DLG2: variants seen among roughly 807,000 people sequenced by gnomAD.
The protein encoded by DLG2 is disks large homolog 2.
DLG2 carries 45 observed loss-of-function variants against 132.5 expected under a neutral mutation model. The observed-to-expected ratio is 0.34, with a 90% CI of 0.27 to 0.44. The LOEUF (loss-of-function observed/expected upper bound fraction) is 0.44. Among genes scored for constraint, DLG2 ranks in the 20% least tolerant of loss-of-function variants. The pLI is 1.00. For missense variants in DLG2, 1,045 were observed against 1,196.9 expected, an observed-to-expected ratio of 0.87 and a Z score of 1.87; for synonymous variants, 424 against 419.6, an observed-to-expected ratio of 1.01 and a Z score of -0.13.
Position 83,874,470 on chromosome 11 carries a change from G to A in DLG2, c.1515C>T (p.Thr505=), listed in dbSNP as rs774629118. The change falls in exon 16 of 28, where the codon ACC becomes ACT. Residue 505 remains threonine, a synonymous_variant. Transcript: ENST00000376104. Reference sequence around the variant, plus strand: ...GAGTCATTGAAGGCTGACGAGTTGCGGTGCTATGTTGGGAATGACTGCAAG... The same window carrying A: ...GAGTCATTGAAGGCTGACGAGTTGCAGTGCTATGTTGGGAATGACTGCAAG... The part of the protein sequence containing the change: ...SEMTSHSQHS[T]ATRQPSMTLQ... 2.4e-5 allele frequency: 39 copies of A among 1,599,914 alleles called. No individual in the cohort carries two copies. The highest frequency in any genetic ancestry group is 4.5e-5 in the East Asian group (2 of 44,308).
chr11:85,118,466 G>C (rs1449533968), intron 5 of DLG2, among the ~76,000 whole-genome samples: 1 of 152,068 alleles, frequency 6.6e-6, no homozygotes, highest in Non-Finnish European at 1.5e-5. Context: ...TAGCTACCCA[G>C]ATTAACAGTA....
chr11:83,965,023 T>C (rs2089871845), intron 13 of DLG2, among the ~76,000 whole-genome samples: 1 of 152,006 alleles, frequency 6.6e-6, no homozygotes, highest in African/African-American at 2.4e-5. Flanking sequence ...GTGATCATGC[T>C]TTAGGAGCTT....
chr11:85,278,654 T>C (rs2078044325), intron 4 of DLG2, among the ~76,000 whole-genome samples: 1 of 152,142 alleles, frequency 6.6e-6, no homozygotes, highest in Non-Finnish European at 1.5e-5. Flanking sequence ...TCAGGTTTTA[T>C]TACTCTTCTA....
intron 7 of DLG2, among the ~76,000 whole-genome samples, chr11:84,308,132 G>T (rs2098246917): frequency 2.0e-5 from 3 of 152,194 alleles, no homozygotes; most frequent in Admixed American, 2.0e-4. Context: ...CTCTTATCTG[G>T]CCCCACCCAC....
chr11:85,466,554 T>C (rs1451810652), intron 3 of DLG2, among the ~76,000 whole-genome samples: 1 of 152,210 alleles, frequency 6.6e-6, no homozygotes, highest in Non-Finnish European at 1.5e-5. Flanking sequence ...CAGCACCATT[T>C]ATTAAATAAG....
chr11:85,069,345 T>C (rs1450374177), intron 6 of DLG2, among the ~76,000 whole-genome samples: 3 of 152,026 alleles, frequency 2.0e-5, no homozygotes, highest in Non-Finnish European at 4.4e-5. Flanking sequence ...CAAAAGAAAC[T>C]ACCATCAGAG....
chr11:85,302,528 G>A (rs1481827621), intron 3 of DLG2, among the ~76,000 whole-genome samples: 1 of 151,738 alleles, frequency 6.6e-6, no homozygotes, highest in Non-Finnish European at 1.5e-5. Context: ...CTGAGCACCT[G>A]ACCTGAGACT....
intron 3 of DLG2, among the ~76,000 whole-genome samples, chr11:85,554,944 T>A (rs986958870): frequency 6.6e-6 from 1 of 151,414 alleles, no homozygotes; most frequent in Non-Finnish European, 1.5e-5. Context: ...TCCACACACA[T>A]ATGATTTAAC....
chr11:85,034,327 C>T (rs1220962476), intron 6 of DLG2, among the ~76,000 whole-genome samples: 4 of 152,094 alleles, frequency 2.6e-5, no homozygotes, highest in East Asian at 1.9e-4. Flanking sequence ...CCGCCTGCCT[C>T]GGCCTCCAAA....
At chr11:85,429,936 T>G (rs1433850536) in intron 3 of DLG2, among the ~76,000 whole-genome samples, 1 of 152,138 alleles carries the variant, frequency 6.6e-6, no homozygotes, top group Admixed American at 6.6e-5. Context: ...CTATTCACAA[T>G]AGCAAAGACT....
chr11:84,313,736 A>G (rs936027902), intron 7 of DLG2, among the ~76,000 whole-genome samples: 1 of 151,846 alleles, frequency 6.6e-6, no homozygotes, highest in Non-Finnish European at 1.5e-5. Context: ...CAAATGCACA[A>G]AACTCTGGTC....
intron 6 of DLG2, among the ~76,000 whole-genome samples, chr11:85,057,735 A>C (rs2063608345): frequency 6.6e-6 from 1 of 151,568 alleles, no homozygotes; most frequent in Admixed American, 6.6e-5. Context: ...TCTCATTAGC[A>C]TGAAAGCAAA....
At chr11:83,631,221 CA>C (rs1194249782) in intron 19 of DLG2, 4 of 138,370 alleles carry the variant, frequency 2.9e-5, no homozygotes, top group Non-Finnish European at 4.6e-5. Context: ...AGAATAAGGC[CA>C]GGGGGCTCTT....
At chr11:83,749,237 T>C (rs2093142367) in intron 18 of DLG2, among the ~76,000 whole-genome samples, 1 of 152,202 alleles carries the variant, frequency 6.6e-6, no homozygotes, top group South Asian at 2.1e-4. Context: ...GGCAACCTTT[T>C]TGCCTTTCTT....
chr11:83,848,056 C>T (rs924666666), intron 16 of DLG2, among the ~76,000 whole-genome samples: 3 of 150,790 alleles, frequency 2.0e-5, no homozygotes, highest in Non-Finnish European at 4.4e-5. Flanking sequence ...TGGAGGGGTC[C>T]TTTGTCTCTC....
rs976812544 is a variant in DLG2 at position 83,758,206 on chromosome 11, C to T, written c.1825+28484G>A. On this transcript the variant is annotated intron_variant, in intron 18 of 27. Transcript: ENST00000376104. ...GCCTCTGCTAGACTAATCTTCCAAA[C>T]CTGCCACTTCTATTGGTTAGTCTCC... is the stretch of plus-strand genomic sequence containing the variant. Among the ~76,000 whole-genome samples, 7 of 152,286 alleles carry T rather than the reference C, an allele frequency of 4.6e-5. No homozygotes were observed. The South Asian group carries it at 1.5e-3, about 32-fold the overall frequency.
At chr11:83,866,585 T>C (rs1181639255) in intron 16 of DLG2, among the ~76,000 whole-genome samples, 3 of 152,152 alleles carry the variant, frequency 2.0e-5, no homozygotes, top group Non-Finnish European at 2.9e-5. Flanking sequence ...CACGCTGTTT[T>C]GGATATATTT....
At chr11:83,803,984 CT>C (rs1323736058) in intron 17 of DLG2, among the ~76,000 whole-genome samples, 36 of 152,070 alleles carry the variant, frequency 2.4e-4, no homozygotes, top group Admixed American at 1.9e-3. Flanking sequence ...TGTGTTTGGG[CT>C]TATGTGTATC....
intron 7 of DLG2, among the ~76,000 whole-genome samples, chr11:84,429,547 T>C (rs1296669402): frequency 6.6e-6 from 1 of 152,106 alleles, no homozygotes; most frequent in African/African-American, 2.4e-5. Context: ...CCAGACCAAA[T>C]AGGACAGAAT....
Sources: gnomAD v4.1 joint callset for allele counts (sites outside exome capture counted in the v4.1 genomes callset) on GRCh38, gnomAD v4.1.1 for gene constraint, MANE v1.5 for transcripts, NCBI Gene and HGNC (gene_info 2026-07-23, HGNC 2026-07-21) for gene names.